XXYLT1: variants seen among roughly 807,000 people sequenced by gnomAD.
XXYLT1 encodes the protein xyloside xylosyltransferase 1.
A neutral mutation model predicts 28.9 loss-of-function variants in XXYLT1; 20 were observed. The ratio of observed to expected loss-of-function variants is 0.69; its 90% CI spans 0.49 to 1.00. XXYLT1 has a LOEUF of 1.00. Ranked by LOEUF, XXYLT1 falls within the 50% of genes least tolerant of loss-of-function variation. The pLI is 0.00. For synonymous variants in XXYLT1, 257 were observed against 253.8 expected (o/e 1.01, Z -0.12); for missense variants, 542 against 560.1 (o/e 0.97, Z 0.33).
In XXYLT1 at chr3:195,115,960, A is replaced by T. The variant is rs1446254434; in HGVS notation, c.785+40489T>A. ...CGCTCAGGAGATGGCAGGAAACTCA[A>T]GTCAGGCAGCTGAAGCATGCACTAT... On this transcript the variant is annotated intron_variant, in intron 3 of 3. Coordinates refer to ENST00000310380, the MANE Select transcript of XXYLT1 (RefSeq NM_152531.5). This position sits in a 1 kb window ranked among gnomAD's most constrained non-coding sequence, Gnocchi z 4.2. Among the ~76,000 whole-genome samples, 1 of 152,170 alleles carries T rather than the reference A, an allele frequency of 6.6e-6. No homozygotes were observed. Among genetic ancestry groups the T allele is most frequent in the East Asian group, 1.9e-4 (1 of 5,190 alleles).
chr3:195,144,524 G>A (rs879707154), intron 3 of XXYLT1, among the ~76,000 whole-genome samples: 3 of 151,914 alleles, frequency 2.0e-5, no homozygotes, highest in African/African-American at 2.4e-5. Context: ...TTAAAGGCAC[G>A]TGCCACCACA....
chr3:195,261,248 C>T (rs1185011317), intron 1 of XXYLT1, among the ~76,000 whole-genome samples: 1 of 151,924 alleles, frequency 6.6e-6, no homozygotes, highest in Non-Finnish European at 1.5e-5. Flanking sequence ...GCCTGGCCAA[C>T]ATGGTGAAAC....
At chr3:195,244,149 T>C (rs942643717) in intron 1 of XXYLT1, among the ~76,000 whole-genome samples, 4 of 152,218 alleles carry the variant, frequency 2.6e-5, no homozygotes, top group African/African-American at 9.6e-5. Flanking sequence ...TGCCATTGTG[T>C]CAGCAGAGAT....
intron 2 of XXYLT1, among the ~76,000 whole-genome samples, chr3:195,198,316 T>G (rs994939947): frequency 2.5e-4 from 38 of 152,270 alleles, no homozygotes; most frequent in Non-Finnish European, 4.3e-4. Context: ...AGAAGACTCA[T>G]GCAAAGTCGA....
At chr3:195,097,188 G>A (rs1455602969) in intron 3 of XXYLT1, among the ~76,000 whole-genome samples, 1 of 152,246 alleles carries the variant, frequency 6.6e-6, no homozygotes, top group East Asian at 1.9e-4. Flanking sequence ...ACTTTAAGTT[G>A]GAGACAGTTC....
At position 195,253,106 on chromosome 3, in the gene XXYLT1, C is replaced by G. The variant is rs577636552; in HGVS notation, c.504+17449G>C. ...CTCTCCGTGGAGCCCAGGCACTGCA[C>G]CCCAGCTGCCCGCTTTTCTCCAAGC... On this transcript the variant is annotated intron_variant, in intron 1 of 3. Transcript: ENST00000310380. 3.8e-4 allele frequency among the ~76,000 whole-genome samples: 58 copies of G among 152,302 alleles called. 1 individual carries two copies. Among genetic ancestry groups the G allele is most frequent in the Admixed American group, 2.2e-3 (34 of 15,300 alleles).
In XXYLT1 at chr3:195,269,824, C is replaced by A. The variant is rs117552089; in HGVS notation, c.504+731G>T. On this transcript the variant is annotated intron_variant, in intron 1 of 3. Coordinates refer to ENST00000310380, the MANE Select transcript of XXYLT1 (RefSeq NM_152531.5). ...AATTCACACTATGTCAGAAACACATCTCAGACAAGGAGAGCCAGGCAGTGA... is the reference window on the plus strand; with the variant it reads ...AATTCACACTATGTCAGAAACACATATCAGACAAGGAGAGCCAGGCAGTGA... Among the ~76,000 whole-genome samples the A allele has an allele frequency of 2.6e-3, 389 of 152,266 alleles. 5 individuals carry two copies. The East Asian group carries it at 0.032, about 13-fold the overall frequency.
rs1179836766 is a variant in XXYLT1 at position 195,076,705 on chromosome 3, T to A, written c.786-6594A>T. Reference sequence around the variant, plus strand: ...AGGAGGGAGGGTCTGTTCCAGGCGCTCCCCTCGCTCCTGGTGGCTTGCTGG... The same window carrying A: ...AGGAGGGAGGGTCTGTTCCAGGCGCACCCCTCGCTCCTGGTGGCTTGCTGG... On this transcript the variant is annotated intron_variant, in intron 3 of 3. Transcript: ENST00000310380. This position sits in a 1 kb window ranked among gnomAD's most constrained non-coding sequence, Gnocchi z 5.3. Among the ~76,000 whole-genome samples, 3 of 152,012 alleles carry A rather than the reference T, an allele frequency of 2.0e-5. No homozygotes were observed. Among genetic ancestry groups the A allele is most frequent in the South Asian group, 2.1e-4 (1 of 4,820 alleles).
intron 2 of XXYLT1, among the ~76,000 whole-genome samples, chr3:195,199,536 G>A (rs1310702370): frequency 2.6e-5 from 4 of 152,200 alleles, no homozygotes; most frequent in South Asian, 4.2e-4. Flanking sequence ...GCGTGAACCC[G>A]GGAGGCGGAG....
rs1284370074 is a variant in XXYLT1, at chr3:195,168,243, G to C, written c.653-11662C>G. Among the ~76,000 whole-genome samples the C allele has an allele frequency of 6.6e-6, 1 of 152,146 alleles. No individual in the cohort carries two copies. Among genetic ancestry groups the C allele is most frequent in the Non-Finnish European group, 1.5e-5 (1 of 68,024 alleles). On this transcript the variant is annotated intron_variant, in intron 2 of 3. Transcript: ENST00000310380. The surrounding 1 kb of genome is among the most constrained non-coding windows in gnomAD (Gnocchi z 4.3). ...AGACTCCTCCCAGCCCTACCACCCT[G>C]TGATTCTGAACAGGAATGGTCTTTG...
chr3:195,137,934 G>A (rs572387098), intron 3 of XXYLT1, among the ~76,000 whole-genome samples: 1 of 152,288 alleles, frequency 6.6e-6, no homozygotes, highest in South Asian at 2.1e-4. Flanking sequence ...AGCAACATGT[G>A]AGTCCCAGAT....
chr3:195,208,218 G>T (rs1723157050), intron 2 of XXYLT1, among the ~76,000 whole-genome samples: 1 of 152,190 alleles, frequency 6.6e-6, no homozygotes, highest in Non-Finnish European at 1.5e-5. Context: ...TTGTATGACA[G>T]GTGTTTGTAC....
At chr3:195,088,588 G>C (rs1715941607) in intron 3 of XXYLT1, among the ~76,000 whole-genome samples, 1 of 118,172 alleles carries the variant, frequency 8.5e-6, no homozygotes, top group Non-Finnish European at 1.8e-5. Context: ...AAACAGAACA[G>C]AAAAACTGGA....
chr3:195,136,837 A>T (rs1719226615), intron 3 of XXYLT1, among the ~76,000 whole-genome samples: 1 of 152,056 alleles, frequency 6.6e-6, no homozygotes, highest in South Asian at 2.1e-4. Context: ...AATAAATAAA[A>T]ACAAGCAGAG....
chr3:195,242,715 G>A (rs547941235), intron 1 of XXYLT1, among the ~76,000 whole-genome samples: 65 of 152,246 alleles, frequency 4.3e-4, no homozygotes, highest in African/African-American at 1.0e-3. Flanking sequence ...TACACAGCCC[G>A]CAGAAAAACC....
intron 3 of XXYLT1, among the ~76,000 whole-genome samples, chr3:195,071,153 C>T (rs1714782551): frequency 1.3e-5 from 2 of 152,146 alleles, no homozygotes; most frequent in South Asian, 4.1e-4. Flanking sequence ...GCAATCGTGC[C>T]GGTGACCTGG....
chr3:195,177,282 T>C (rs111366426), intron 2 of XXYLT1, among the ~76,000 whole-genome samples: 2,908 of 152,338 alleles, frequency 0.019, 94 homozygotes, highest in African/African-American at 0.067. Context: ...GTATGGACTG[T>C]ATCTTGCCCT....
In XXYLT1 at chr3:195,203,158, C is replaced by CA. The variant is rs151273166; in HGVS notation, c.652+23550dup. Among the ~76,000 whole-genome samples, 79 of 145,200 alleles carry CA rather than the reference C, an allele frequency of 5.4e-4. 1 individual carries two copies. Among genetic ancestry groups the CA allele is most frequent in the South Asian group, 4.1e-3 (19 of 4,580 alleles). ...TCATAGAAAAAAAGTTAAAAGACTG[C>CA]AAAAAAAAAATGTTTTCAACGTATT... On this transcript the variant is annotated intron_variant, in intron 2 of 3. Coordinates refer to ENST00000310380, the MANE Select transcript of XXYLT1 (RefSeq NM_152531.5).
chr3:195,246,455 C>T (rs966946571), intron 1 of XXYLT1, among the ~76,000 whole-genome samples: 6 of 152,188 alleles, frequency 3.9e-5, no homozygotes, highest in East Asian at 1.9e-4. Flanking sequence ...CTTGTAGGTA[C>T]GGCACCTTGT....
Sources: allele counts gnomAD v4.1 joint callset (sites outside exome capture counted in the v4.1 genomes callset), GRCh38; gene constraint gnomAD v4.1.1; non-coding constraint Gnocchi (gnomAD v3.1); transcripts MANE v1.5; gene names NCBI Gene and HGNC (gene_info 2026-07-23, HGNC 2026-07-21).